The following MYO15A variants were observed in gnomAD, a reference collection of about 807,000 sequenced individuals.
MYO15A encodes myosin XVA, also known as unconventional myosin-XV.
MYO15A carries 308 observed loss-of-function variants against 394.6 expected under a neutral mutation model. The ratio of observed to expected loss-of-function variants is 0.78; its 90% CI spans 0.71 to 0.86. MYO15A has a LOEUF of 0.86. MYO15A is among the 40% of genes least tolerant of loss of function. The pLI, the probability that MYO15A is intolerant of heterozygous loss-of-function variation, is 0.00. For missense variants in MYO15A, 4,606 were observed against 4,799.1 expected, an observed-to-expected ratio of 0.96 and a Z score of 1.19; for synonymous variants, 1,957 against 2,003.8, an observed-to-expected ratio of 0.98 and a Z score of 0.62.
rs756184086 is a variant in MYO15A at position 18,126,422 on chromosome 17, C to G, written c.3832C>G (p.Gln1278Glu). Residue 1278 changes from glutamine (Q) to glutamate (E), a missense_variant, in exon 5 of 66, where the codon CAG becomes GAG. Coordinates refer to ENST00000647165, the MANE Select transcript of MYO15A (RefSeq NM_016239.4). ...FGIYGPEQVQ[Q>E]YNGRALGENP... Reference sequence around the variant, plus strand: ...AATCTATGGGCCGGAGCAGGTGCAGCAGTACAACGGACGGGCCCTGGGAGA... The same window carrying G: ...AATCTATGGGCCGGAGCAGGTGCAGGAGTACAACGGACGGGCCCTGGGAGA... The G allele has an allele frequency of 1.9e-6, 3 of 1,613,892 alleles. No homozygotes were observed. The East Asian group carries it at 6.7e-5, about 36-fold the overall frequency.
chr17:18,176,488 CCT>C (rs1322867585), intron 65 of MYO15A: 3 of 152,060 alleles, frequency 2.0e-5, no homozygotes, highest in African/African-American at 7.3e-5. Flanking sequence ...CCCACCAGGC[CCT>C]GTCTCCAACA....
chr17:18,170,078 G>A (rs1445318353), intron 62 of MYO15A, among the ~76,000 whole-genome samples: 1 of 150,858 alleles, frequency 6.6e-6, no homozygotes, highest in Admixed American at 6.6e-5. Context: ...TAAGGCAGCT[G>A]CCTTCCCAGA....
chr17:18,118,657 G>A lies in MYO15A; in HGVS notation c.-144G>A, dbSNP rs751602395. 624 of 1,302,554 alleles carry A rather than the reference G, an allele frequency of 4.8e-4. No homozygotes were observed. The highest frequency in any genetic ancestry group is 5.7e-4 in the Non-Finnish European group (542 of 954,154). 80.7% of individuals were successfully genotyped at this position (1,302,554 alleles called of 1,614,324 possible). On this transcript the variant is annotated 5_prime_UTR_variant, in exon 2 of 66. Coordinates refer to ENST00000647165, the MANE Select transcript of MYO15A (RefSeq NM_016239.4). ...GGAATCCTGGCTCGGCCCTCCCCAC[G>A]CCACCCAGGGCCAGTCGGGTCTGCT...
rs1017216470 is a variant in MYO15A at position 18,132,433 on chromosome 17, C to T, written c.4207-20C>T. The T allele has an allele frequency of 1.2e-6, 2 of 1,605,852 alleles. No homozygotes were observed. The highest frequency in any genetic ancestry group is 1.7e-6 in the Non-Finnish European group (2 of 1,173,128). On this transcript the variant is annotated intron_variant, in intron 10 of 65. Coordinates refer to ENST00000647165, the MANE Select transcript of MYO15A (RefSeq NM_016239.4). This position sits in a 1 kb window ranked among gnomAD's most constrained non-coding sequence, Gnocchi z 4.6. ...TAGGTAGGTGGCTCCCTTCTCTGTGCCCACCTACCCACTCTACAGGCCAAA... is the reference window on the plus strand; with the variant it reads ...TAGGTAGGTGGCTCCCTTCTCTGTGTCCACCTACCCACTCTACAGGCCAAA...
At chr17:18,112,668 G>A (rs906253884) in intron 1 of MYO15A, among the ~76,000 whole-genome samples, 3 of 152,032 alleles carry the variant, frequency 2.0e-5, no homozygotes, top group Admixed American at 2.0e-4. Flanking sequence ...TCGGCCTCCC[G>A]AAGTGCTGGG....
rs202026399 is a variant in MYO15A at position 18,169,970 on chromosome 17, CA to C, written c.10083-1641del. On this transcript the variant is annotated intron_variant, in intron 62 of 65. Transcript: ENST00000647165. ...TAGGTAACAGAGCAAGACCCTGTCT[CA>C]AAAAAAAAAAAAAAAAAAAAAAAAA... 5.1e-3 allele frequency among the ~76,000 whole-genome samples: 303 copies of C among 59,728 alleles called. 3 individuals carry two copies. The highest frequency in any genetic ancestry group is 6.9e-3 in the South Asian group (14 of 2,030). 39.2% of individuals were successfully genotyped at this position (59,728 alleles called of 152,430 possible). A position where few individuals can be genotyped will look rare whatever the true frequency, so the allele number is the denominator to read the frequency against.
At chr17:18,167,291 G>A (rs998389194) in intron 61 of MYO15A, among the ~76,000 whole-genome samples, 2 of 152,174 alleles carry the variant, frequency 1.3e-5, no homozygotes, top group African/African-American at 2.4e-5. Flanking sequence ...TTGAGAAACA[G>A]CAGGCCTGAT....
intron 65 of MYO15A, chr17:18,176,878 C>G (rs2047022023): frequency 6.6e-6 from 1 of 152,236 alleles, no homozygotes; most frequent in South Asian, 2.1e-4. Context: ...GACAAATATC[C>G]AAACTGTATC....
chr17:18,134,177 A>G (rs1269117951), intron 12 of MYO15A, among the ~76,000 whole-genome samples: 8 of 150,912 alleles, frequency 5.3e-5, no homozygotes, highest in Non-Finnish European at 1.2e-4. Flanking sequence ...TTTAGTAGAG[A>G]TGGGGTTTCA....
chr17:18,153,892 A>G lies in MYO15A; in HGVS notation c.8084A>G (p.Lys2695Arg). 1 of 1,613,398 alleles carries G rather than the reference A, an allele frequency of 6.2e-7. No individual in the cohort carries two copies. The highest frequency in any genetic ancestry group is 8.5e-7 in the Non-Finnish European group (1 of 1,179,934). Residue 2695 changes from lysine to arginine, a missense_variant, in exon 43 of 66, where the codon AAA becomes AGA. Around this residue, in one of 2 missense-constraint regions of MYO15A, gnomAD observed 2,776 missense variants for 3,109.3 expected, o/e 0.89. Transcript: ENST00000647165. This position sits in a 1 kb window ranked among gnomAD's most constrained non-coding sequence, Gnocchi z 4.1. The stretch of plus-strand genomic sequence containing the variant: ...GCCCCCTGGAAGATCTTCCTGCGCA[A>G]AGAGGTGCCGAGCACAGCCGTAGCC... ...QDAPWKIFLR[K>R]EVFYPKDSYS... is the part of the protein sequence containing the mutation.
rs1424275867 is a variant in MYO15A, at chr17:18,154,161, C to G, written c.8119C>G (p.Pro2707Ala). 1.2e-6 allele frequency: 2 copies of G among 1,614,102 alleles called. No individual in the cohort carries two copies. Among genetic ancestry groups the G allele is most frequent in the Non-Finnish European group, 8.5e-7 (1 of 1,180,040 alleles). ...VFYPKDSYSHPVQLDLLFRQI... is the reference protein window; with the variant it reads ...VFYPKDSYSHAVQLDLLFRQI... ...TTACCCCAAGGACAGCTACAGCCAT[C>G]CTGTGCAGCTTGACCTCCTGTTCCG... The change falls in exon 44 of 66, where the codon CCT (proline) becomes GCT (alanine). Residue 2707 changes from proline to alanine, a missense_variant. Coordinates refer to ENST00000647165, the MANE Select transcript of MYO15A (RefSeq NM_016239.4).
Position 18,121,394 on chromosome 17 carries a change from C to T in MYO15A, c.2594C>T (p.Pro865Leu), listed in dbSNP as rs2045927875. 1 of 1,534,108 alleles carries T rather than the reference C, an allele frequency of 6.5e-7. No individual in the cohort carries two copies. Among genetic ancestry groups the T allele is most frequent in the South Asian group, 1.2e-5 (1 of 83,656 alleles). The change falls in exon 2 of 66, where the codon CCC becomes CTC. Residue 865 changes from proline to leucine, a missense_variant. By Grantham distance (98) the Pro-to-Leu change is moderately conservative (BLOSUM62 -3). Coordinates refer to ENST00000647165, the MANE Select transcript of MYO15A (RefSeq NM_016239.4). The surrounding 1 kb of genome is among the most constrained non-coding windows in gnomAD (Gnocchi z 5.3). ...CCGCGGCGCAGCTCCCTGAATCTGC[C>T]CTCGCGCCTCCCGCACACGTGGCGG... ...HSPRRSSLNL[P>L]SRLPHTWRRL...
chr17:18,167,974 T>C (rs1017437788), intron 62 of MYO15A, among the ~76,000 whole-genome samples: 12 of 152,134 alleles, frequency 7.9e-5, no homozygotes, highest in Non-Finnish European at 1.8e-4. Context: ...AAGGTAATGA[T>C]AAAAAAAGCT....
At chr17:18,126,244 T>C (rs1163526438) in intron 4 of MYO15A, 103 bp from the exon 5 acceptor site, 2 of 970,040 alleles carry the variant, frequency 2.1e-6, no homozygotes, top group South Asian at 1.3e-5. Flanking sequence ...CAGCCAGATA[T>C]CTGTCCGGAT....
chr17:18,125,278 G>T (rs1245173538), intron 4 of MYO15A, 47 bp downstream of exon 4: 1 of 1,582,478 alleles, frequency 6.3e-7, no homozygotes, highest in Non-Finnish European at 8.7e-7. Flanking sequence ...CAGGAAGGCA[G>T]CTGCCTCCTG....
chr17:18,152,184 G>A lies in MYO15A; in HGVS notation c.7966G>A (p.Ala2656Thr). The A allele has an allele frequency of 6.5e-7, 1 of 1,550,180 alleles. No homozygotes were observed. Among genetic ancestry groups the A allele is most frequent in the Non-Finnish European group, 8.7e-7 (1 of 1,147,282 alleles). Residue 2656 changes from alanine to threonine, a missense_variant and splice_region_variant, in exon 42 of 66, where the codon GCT becomes ACT. Around this residue, in one of 2 missense-constraint regions of MYO15A, gnomAD observed 2,776 missense variants for 3,109.3 expected, o/e 0.89. Coordinates refer to ENST00000647165, the MANE Select transcript of MYO15A (RefSeq NM_016239.4). ...APRPSMAPTS[A>T]LPSRSLEPPE... ...AAGGCCATCCATGGCACCCACTTCA[G>A]GTGAGAGGGCCAGGAGGGAGGGAGG... is the stretch of plus-strand genomic sequence containing the variant.
rs555253294 is a variant in MYO15A at position 18,140,479 on chromosome 17, C to G, written c.5212-38C>G. On this transcript the variant is annotated intron_variant, in intron 19 of 65. Coordinates refer to ENST00000647165, the MANE Select transcript of MYO15A (RefSeq NM_016239.4). ...TCCTCCTCATTTCGGTCTCCCGGAC[C>G]CTGCCTGTCTGTTTTCCCTGCCCCG... is the stretch of plus-strand genomic sequence containing the variant. 2.4e-5 allele frequency: 39 copies of G among 1,613,038 alleles called. No individual in the cohort carries two copies. The Middle Eastern group carries it at 9.9e-4, about 41-fold the overall frequency.
At chr17:18,141,291 A>AGC in intron 22 of MYO15A, 148 bp downstream of exon 22, 1 of 1,208,142 alleles carries the variant, frequency 8.3e-7, no homozygotes, top group Non-Finnish European at 1.2e-6. Context: ...GCTAACTGTT[A>AGC]ATGTGGTAGA....
intron 4 of MYO15A, 75 bp from the exon 5 acceptor site, chr17:18,126,272 C>T (rs2046037201): frequency 8.0e-7 from 1 of 1,253,598 alleles, no homozygotes; most frequent in Non-Finnish European, 1.2e-6. Context: ...GGGAGCCAGG[C>T]TCCCAGCATA....
Sources: gnomAD v4.1 joint callset for allele counts (sites outside exome capture counted in the v4.1 genomes callset) on GRCh38, gnomAD v4.1.1 for gene constraint, gnomAD v4.1.1 regional missense constraint, Gnocchi (gnomAD v3.1) non-coding constraint, MANE v1.5 for transcripts, NCBI Gene and HGNC (gene_info 2026-07-23, HGNC 2026-07-21) for gene names.